CNTNAP2: variants seen among roughly 807,000 people sequenced by gnomAD.
CNTNAP2 encodes the protein contactin associated protein 2, also known as contactin-associated protein-like 2.
A neutral mutation model predicts 155.2 loss-of-function variants in CNTNAP2; 98 were observed. The ratio of observed to expected loss-of-function variants is 0.63; its 90% CI spans 0.54 to 0.75. The LOEUF is 0.75. Ranked by LOEUF, CNTNAP2 falls within the 30% of genes least tolerant of loss-of-function variation. The pLI is 0.00. For synonymous variants in CNTNAP2, 651 were observed against 631.2 expected (o/e 1.03, Z -0.47); for missense variants, 1,727 against 1,688.1 (o/e 1.02, Z -0.40).
At chr7:147,523,213 C>T (rs774874352) in intron 11 of CNTNAP2, among the ~76,000 whole-genome samples, 1 of 152,162 alleles carries the variant, frequency 6.6e-6, no homozygotes, top group Non-Finnish European at 1.5e-5. Context: ...TGCTAGTCAT[C>T]GACTGGGCAC....
chr7:147,634,383 G>A (rs562832194), intron 12 of CNTNAP2, among the ~76,000 whole-genome samples: 1 of 152,312 alleles, frequency 6.6e-6, no homozygotes, highest in African/African-American at 2.4e-5. Flanking sequence ...GTTCTCACTT[G>A]TAAGTGGGAG....
At chr7:147,343,428 A>T (rs1795796917) in intron 9 of CNTNAP2, among the ~76,000 whole-genome samples, 1 of 152,166 alleles carries the variant, frequency 6.6e-6, no homozygotes, top group East Asian at 1.9e-4. Flanking sequence ...TGGCTTGGTT[A>T]AGTGGAACAT....
At chr7:148,409,175 G>A (rs1232922333) in intron 22 of CNTNAP2, among the ~76,000 whole-genome samples, 2 of 152,218 alleles carry the variant, frequency 1.3e-5, no homozygotes, top group Non-Finnish European at 2.9e-5. Context: ...GGGAAGTCGT[G>A]TTTACCTAGG....
At chr7:146,131,891 A>G (rs932604169) in intron 1 of CNTNAP2, among the ~76,000 whole-genome samples, 7 of 152,118 alleles carry the variant, frequency 4.6e-5, no homozygotes, top group African/African-American at 1.7e-4. Context: ...TGATGGTGTT[A>G]AAAGTGGCAG....
At chr7:146,750,279 C>T (rs188354384) in intron 1 of CNTNAP2, among the ~76,000 whole-genome samples, 1 of 152,198 alleles carries the variant, frequency 6.6e-6, no homozygotes, top group Non-Finnish European at 1.5e-5. Context: ...TCTCTTTCCA[C>T]CCCTACCTCA....
intron 1 of CNTNAP2, among the ~76,000 whole-genome samples, chr7:146,693,080 C>T (rs1463880595): frequency 6.6e-6 from 1 of 152,044 alleles, no homozygotes; most frequent in African/African-American, 2.4e-5. Flanking sequence ...CACTTGATAT[C>T]TCTGAAATTC....
At chr7:146,901,811 T>C (rs1185707622) in intron 3 of CNTNAP2, among the ~76,000 whole-genome samples, 1 of 151,986 alleles carries the variant, frequency 6.6e-6, no homozygotes, top group Non-Finnish European at 1.5e-5. Flanking sequence ...AATGTGAACT[T>C]TGAAGGAGTA....
At chr7:146,512,128 C>T (rs1437282224) in intron 1 of CNTNAP2, among the ~76,000 whole-genome samples, 1 of 151,836 alleles carries the variant, frequency 6.6e-6, no homozygotes. Flanking sequence ...AAATACAAAG[C>T]TGTAATGTCT....
At chr7:148,307,103 G>A (rs1797503718) in intron 21 of CNTNAP2, among the ~76,000 whole-genome samples, 1 of 152,152 alleles carries the variant, frequency 6.6e-6, no homozygotes. Flanking sequence ...AGAAGGAAGA[G>A]GACTGCGAGG....
chr7:148,009,678 T>C (rs1423464451), intron 15 of CNTNAP2, among the ~76,000 whole-genome samples: 1 of 152,160 alleles, frequency 6.6e-6, no homozygotes, highest in African/African-American at 2.4e-5. Flanking sequence ...ATTTTCAAAC[T>C]TTAAATAAAT....
intron 13 of CNTNAP2, among the ~76,000 whole-genome samples, chr7:147,779,722 G>C (rs1330650916): frequency 6.6e-6 from 1 of 152,130 alleles, no homozygotes; most frequent in African/African-American, 2.4e-5. Context: ...TGTTTTCACA[G>C]AGTAATATGT....
intron 1 of CNTNAP2, among the ~76,000 whole-genome samples, chr7:146,210,340 A>G (rs911501241): frequency 2.0e-5 from 3 of 152,158 alleles, no homozygotes; most frequent in African/African-American, 7.2e-5. Flanking sequence ...AATACATAAG[A>G]TGACTTGGAA....
chr7:148,271,662 C>T (rs563791486), intron 21 of CNTNAP2, among the ~76,000 whole-genome samples: 1 of 152,280 alleles, frequency 6.6e-6, no homozygotes, highest in East Asian at 1.9e-4. Context: ...TCAGTGAAGA[C>T]CCCAAGAAGA....
rs1038677421 is a variant in CNTNAP2, at chr7:147,905,920, A to T, written c.2255+2199A>T. 5.3e-5 allele frequency among the ~76,000 whole-genome samples: 8 copies of T among 152,166 alleles called. No homozygotes were observed. In the East Asian group the frequency reaches 1.6e-3, roughly 29 times the overall value. ...AAACAAACAAACAAACAAACAAAAA[A>T]AAACTGATGGAAGAAATTTTCAATC... On this transcript the variant is annotated intron_variant, in intron 14 of 23. Transcript: ENST00000361727.
chr7:146,795,057 A>G (rs979510744), intron 2 of CNTNAP2, among the ~76,000 whole-genome samples: 1 of 152,206 alleles, frequency 6.6e-6, no homozygotes, highest in Non-Finnish European at 1.5e-5. Flanking sequence ...TCAGTGAAAA[A>G]TTTAAAGAAA....
chr7:147,326,143 C>A (rs963365854), intron 9 of CNTNAP2, among the ~76,000 whole-genome samples: 1 of 152,184 alleles, frequency 6.6e-6, no homozygotes, highest in Non-Finnish European at 1.5e-5. Flanking sequence ...CCAGGATGGT[C>A]TCGATCTCCT....
chr7:147,818,408 G>A (rs1563100076), intron 13 of CNTNAP2, among the ~76,000 whole-genome samples: 1 of 152,104 alleles, frequency 6.6e-6, no homozygotes, highest in Non-Finnish European at 1.5e-5. Context: ...AAGGGAGCAG[G>A]AGCAATAATT....
intron 2 of CNTNAP2, among the ~76,000 whole-genome samples, chr7:146,805,890 G>A (rs1802958233): frequency 6.6e-6 from 1 of 152,148 alleles, no homozygotes; most frequent in Admixed American, 6.6e-5. Flanking sequence ...AAGACCAGAA[G>A]TCAATTTTTT....
intron 1 of CNTNAP2, among the ~76,000 whole-genome samples, chr7:146,717,340 T>G (rs1278760163): frequency 8.5e-6 from 1 of 117,550 alleles, no homozygotes; most frequent in Non-Finnish European, 1.6e-5. Context: ...CTGTCTCTAC[T>G]AAAAAATTAA....
Sources: gnomAD v4.1 joint callset for allele counts (sites outside exome capture counted in the v4.1 genomes callset) on GRCh38, gnomAD v4.1.1 for gene constraint, MANE v1.5 for transcripts, NCBI Gene and HGNC (gene_info 2026-07-23, HGNC 2026-07-21) for gene names.